The following PTPRT variants were observed in gnomAD, a reference collection of about 807,000 sequenced individuals.
The protein encoded by PTPRT is protein tyrosine phosphatase receptor type T.
In PTPRT, 56 loss-of-function variants were observed where a neutral mutation model predicts 176.8. The ratio of observed to expected loss-of-function variants is 0.32; its 90% CI spans 0.26 to 0.40. PTPRT has a LOEUF of 0.40. Ranked by LOEUF, PTPRT falls within the 10% of genes least tolerant of loss-of-function variation. The pLI is 1.00. For missense variants in PTPRT, 1,540 were observed against 1,908.2 expected, an observed-to-expected ratio of 0.81 and a Z score of 3.60; for synonymous variants, 783 against 739.0, an observed-to-expected ratio of 1.06 and a Z score of -0.96.
chr20:42,662,451 T>C (rs1171753774), intron 7 of PTPRT, among the ~76,000 whole-genome samples: 1 of 152,156 alleles, frequency 6.6e-6, no homozygotes, highest in East Asian at 1.9e-4. Flanking sequence ...TAAATCTCTC[T>C]GGCCTTGGTA....
chr20:42,585,614 T>C (rs1342736654), intron 7 of PTPRT, among the ~76,000 whole-genome samples: 1 of 152,196 alleles, frequency 6.6e-6, no homozygotes, highest in Non-Finnish European at 1.5e-5. Context: ...ACATTGTTTA[T>C]TAAATTCCTA....
chr20:42,090,148 A>T (rs968954396), intron 27 of PTPRT, among the ~76,000 whole-genome samples: 7 of 151,988 alleles, frequency 4.6e-5, no homozygotes, highest in African/African-American at 1.7e-4. Context: ...TAGCATAGGG[A>T]TCTGTATCTA....
chr20:43,078,168 A>C (rs2011330305), intron 1 of PTPRT, among the ~76,000 whole-genome samples: 1 of 152,262 alleles, frequency 6.6e-6, no homozygotes, highest in South Asian at 2.1e-4. Context: ...GTAAATGACC[A>C]ATCAGTCCTT....
chr20:42,550,022 T>C (rs1198891614), intron 7 of PTPRT, among the ~76,000 whole-genome samples: 1 of 152,182 alleles, frequency 6.6e-6, no homozygotes, highest in Non-Finnish European at 1.5e-5. Flanking sequence ...TTGTAATTTT[T>C]AGGAAGACTG....
chr20:43,064,246 C>G (rs1987591582), intron 1 of PTPRT, among the ~76,000 whole-genome samples: 1 of 152,110 alleles, frequency 6.6e-6, no homozygotes. Flanking sequence ...CTACCCCATC[C>G]TCCACCCTCT....
At chr20:43,081,415 C>T (rs1345251938) in intron 1 of PTPRT, among the ~76,000 whole-genome samples, 3 of 152,164 alleles carry the variant, frequency 2.0e-5, no homozygotes, top group African/African-American at 7.2e-5. Flanking sequence ...CACAGCTATA[C>T]ATTTGTTTAT....
At chr20:43,032,665 C>T (rs1276236005) in intron 1 of PTPRT, among the ~76,000 whole-genome samples, 1 of 152,028 alleles carries the variant, frequency 6.6e-6, no homozygotes, top group African/African-American at 2.4e-5. Context: ...TATCTTAGCC[C>T]CCCGCAGAGC....
At chr20:42,373,154 T>C (rs1274578369) in intron 9 of PTPRT, among the ~76,000 whole-genome samples, 1 of 152,108 alleles carries the variant, frequency 6.6e-6, no homozygotes, top group Non-Finnish European at 1.5e-5. Flanking sequence ...CTTTGCAGAG[T>C]AACACCAGGA....
chr20:43,070,993 G>A (rs1459171683), intron 1 of PTPRT, among the ~76,000 whole-genome samples: 2 of 143,952 alleles, frequency 1.4e-5, no homozygotes, highest in Admixed American at 6.9e-5. Context: ...AAAAAGAACT[G>A]CCCTCAACCA....
At chr20:43,088,857 C>T (rs1244883868) in intron 1 of PTPRT, among the ~76,000 whole-genome samples, 3 of 152,036 alleles carry the variant, frequency 2.0e-5, no homozygotes, top group Non-Finnish European at 4.4e-5. Flanking sequence ...CTGAATCTGT[C>T]GTGATTCTAG....
At chr20:43,159,191 C>G (rs1358701958) in intron 1 of PTPRT, among the ~76,000 whole-genome samples, 1 of 152,152 alleles carries the variant, frequency 6.6e-6, no homozygotes, top group African/African-American at 2.4e-5. Context: ...AGTACACACC[C>G]CAGAGTTCTC....
chr20:42,763,454 T>C (rs2076943329), intron 5 of PTPRT, among the ~76,000 whole-genome samples: 1 of 151,852 alleles, frequency 6.6e-6, no homozygotes, highest in Non-Finnish European at 1.5e-5. Context: ...CTTCTTGGCA[T>C]CAAAATAATA....
chr20:43,019,617 C>CA (rs539102745), intron 1 of PTPRT, among the ~76,000 whole-genome samples: 4,468 of 55,568 alleles, frequency 0.08, 301 homozygotes, highest in African/African-American at 0.2. Context: ...GACACCGTCT[C>CA]AAAAAAAAAA....
At chr20:42,251,702 G>T (rs1471823897) in intron 13 of PTPRT, among the ~76,000 whole-genome samples, 1 of 142,100 alleles carries the variant, frequency 7.0e-6, no homozygotes, top group Non-Finnish European at 1.5e-5. Flanking sequence ...AATGGGGCAA[G>T]CACCCTGTTG....
intron 6 of PTPRT, among the ~76,000 whole-genome samples, chr20:42,740,316 C>A (rs2076589576): frequency 6.6e-6 from 1 of 152,188 alleles, no homozygotes; most frequent in African/African-American, 2.4e-5. Flanking sequence ...ACAGAGACAG[C>A]TCCATGCCAG....
chr20:42,836,036 G>C (rs2078175340), intron 2 of PTPRT, among the ~76,000 whole-genome samples: 1 of 152,046 alleles, frequency 6.6e-6, no homozygotes, highest in African/African-American at 2.4e-5. Flanking sequence ...GTTTGCCCCT[G>C]GTCTAATTTT....
intron 1 of PTPRT, among the ~76,000 whole-genome samples, chr20:43,173,638 T>G (rs1459696454): frequency 6.6e-6 from 1 of 152,178 alleles, no homozygotes; most frequent in Non-Finnish European, 1.5e-5. Context: ...AAGTCCACAG[T>G]GTGGGGTGAT....
intron 2 of PTPRT, among the ~76,000 whole-genome samples, chr20:42,845,964 C>T (rs1448403433): frequency 6.6e-6 from 1 of 152,082 alleles, no homozygotes; most frequent in Non-Finnish European, 1.5e-5. Flanking sequence ...CAGCATAGGT[C>T]TATTAAAGAC....
chr20:42,753,537 G>A (rs1032982657), intron 6 of PTPRT, among the ~76,000 whole-genome samples: 5 of 152,196 alleles, frequency 3.3e-5, no homozygotes, highest in African/African-American at 1.2e-4. Context: ...ACCCCCCACT[G>A]TTCAATGTGA....
Sources: allele counts gnomAD v4.1 joint callset (sites outside exome capture counted in the v4.1 genomes callset), GRCh38; gene constraint gnomAD v4.1.1; transcripts MANE v1.5; gene names NCBI Gene and HGNC (gene_info 2026-07-23, HGNC 2026-07-21).